The following SASH1 variants were observed in gnomAD, a reference collection of about 807,000 sequenced individuals.
The protein encoded by SASH1 is SAM and SH3 domain containing 1.
A neutral mutation model predicts 125.2 loss-of-function variants in SASH1; 44 were observed. The ratio of observed to expected loss-of-function variants is 0.35; its 90% CI spans 0.28 to 0.45. The LOEUF is 0.45. SASH1 is among the 20% of genes least tolerant of loss of function. SASH1 has a pLI of 1.00. For missense variants in SASH1, 1,426 were observed against 1,614.5 expected (o/e 0.88, Z 2.00); for synonymous variants, 639 against 649.1 (o/e 0.98, Z 0.24).
chr6:148,416,203 T>C (rs1784808460), intron 2 of SASH1, among the ~76,000 whole-genome samples: 1 of 152,246 alleles, frequency 6.6e-6, no homozygotes, highest in Admixed American at 6.5e-5. Flanking sequence ...TGTTCCCTCC[T>C]GTTCCTCTTG....
At chr6:148,306,843 C>T (rs879937580) in intron 1 of SASH1, among the ~76,000 whole-genome samples, 2 of 152,086 alleles carry the variant, frequency 1.3e-5, no homozygotes, top group Non-Finnish European at 2.9e-5. Flanking sequence ...ATCCTGGCCA[C>T]AGGAATGGGA....
chr6:148,539,951 A>G (rs1782116874), intron 16 of SASH1, among the ~76,000 whole-genome samples: 1 of 152,178 alleles, frequency 6.6e-6, no homozygotes, highest in Non-Finnish European at 1.5e-5. Flanking sequence ...ATTTCATTTG[A>G]CACTTTAATA....
At chr6:148,231,691 A>G in the SASH1 span, among the ~76,000 whole-genome samples, 1 of 152,182 alleles carries the variant, frequency 6.6e-6, no homozygotes. Flanking sequence ...AGTTAAAATG[A>G]TAGAAAGGTG....
intron 8 of SASH1, among the ~76,000 whole-genome samples, chr6:148,489,261 T>G (rs1253255297): frequency 6.6e-6 from 1 of 152,206 alleles, no homozygotes; most frequent in Non-Finnish European, 1.5e-5. Flanking sequence ...GCATACTTTT[T>G]GAAAATTGAT....
intron 1 of SASH1, among the ~76,000 whole-genome samples, chr6:148,387,179 G>T (rs568835954): frequency 2.1e-5 from 3 of 142,618 alleles, no homozygotes; most frequent in Non-Finnish European, 4.5e-5. Context: ...GTGCAGTGGC[G>T]CAATCTCGGC....
At chr6:148,229,719 C>CT in the SASH1 span, among the ~76,000 whole-genome samples, 41,142 of 121,282 alleles carry the variant, frequency 0.34, 7,888 homozygotes, top group South Asian at 0.4. Context: ...CGTCAGAGCA[C>CT]TTTTTTTTTT....
At chr6:148,346,564 G>C (rs1781528293) in intron 1 of SASH1, among the ~76,000 whole-genome samples, 1 of 151,762 alleles carries the variant, frequency 6.6e-6, no homozygotes, top group South Asian at 2.1e-4. Flanking sequence ...TCTATCTCCA[G>C]TGCTCCTGAC....
At chr6:148,222,778 ATC>A in the SASH1 span, among the ~76,000 whole-genome samples, 968 of 146,456 alleles carry the variant, frequency 6.6e-3, 4 homozygotes, top group African/African-American at 0.018. Flanking sequence ...TTCCCCTTCG[ATC>A]TCTCTCTCTC....
rs1433382876 is a variant in SASH1 at position 148,532,597 on chromosome 6, C to A, written c.1565-200C>A. ...GTCATGAGGGTAACTTGCTGTGAGTCCCCTGTCCACTGAGGAGCTGAGGGA... is the reference window on the plus strand; with the variant it reads ...GTCATGAGGGTAACTTGCTGTGAGTACCCTGTCCACTGAGGAGCTGAGGGA... On this transcript the variant is annotated intron_variant, in intron 13 of 19. Coordinates refer to ENST00000367467, the MANE Select transcript of SASH1 (RefSeq NM_015278.5). This position sits in a 1 kb window ranked among gnomAD's most constrained non-coding sequence, Gnocchi z 4.7. Among the ~76,000 whole-genome samples, 1 of 152,166 alleles carries A rather than the reference C, an allele frequency of 6.6e-6. No individual in the cohort carries two copies. The highest frequency in any genetic ancestry group is 2.4e-5 in the African/African-American group (1 of 41,432).
At chr6:148,348,615 TC>T (rs1229952796) in intron 1 of SASH1, among the ~76,000 whole-genome samples, 1 of 152,166 alleles carries the variant, frequency 6.6e-6, no homozygotes, top group Non-Finnish European at 1.5e-5. Flanking sequence ...ATTCTTGCCC[TC>T]ATTTTACAGT....
At chr6:148,478,833 C>T in intron 7 of SASH1, 1 of 157,604 alleles carries the variant, frequency 6.3e-6, no homozygotes. Context: ...CAATAGTAAC[C>T]ACCTGGCCTA....
chr6:148,323,206 C>T (rs904963248), intron 1 of SASH1, among the ~76,000 whole-genome samples: 2 of 152,060 alleles, frequency 1.3e-5, no homozygotes, highest in African/African-American at 4.8e-5. Context: ...GGTGGAGTTT[C>T]GCCGCATTGG....
intron 2 of SASH1, among the ~76,000 whole-genome samples, chr6:148,403,961 C>T (rs1784277414): frequency 6.6e-6 from 1 of 152,148 alleles, no homozygotes. Context: ...TTCCATAGTA[C>T]TTTGAATGCT....
At chr6:148,295,233 A>G (rs766936635) in intron 1 of SASH1, among the ~76,000 whole-genome samples, 41 of 152,238 alleles carry the variant, frequency 2.7e-4, no homozygotes, top group Middle Eastern at 3.4e-3. Context: ...TGGGGGAAAA[A>G]TAACCCTAGT....
chr6:148,325,549 C>T lies in SASH1; in HGVS notation n.74+53172C>T, dbSNP rs72563839. 0.022 allele frequency among the ~76,000 whole-genome samples: 3,390 copies of T among 152,210 alleles called. 287 individuals carry two copies. The East Asian group carries it at 0.25, about 11-fold the overall frequency. On this transcript the variant is annotated intron_variant and non_coding_transcript_variant, in intron 1 of 3. Transcript: ENST00000367469. ...TCAGCCTCCCAAAGTGCTGAGATTACAGGCATGACCCACTGTGCCTGGCTA... is the reference window on the plus strand; with the variant it reads ...TCAGCCTCCCAAAGTGCTGAGATTATAGGCATGACCCACTGTGCCTGGCTA...
chr6:148,362,556 T>C lies in SASH1; in HGVS notation c.156+19333T>C, dbSNP rs188788778. Reference sequence around the variant, plus strand: ...GCCATTTTTACTATTATATGCCTTTTTTTTTTTTGAAAGTGAGGTGAGGGT... The same window carrying C: ...GCCATTTTTACTATTATATGCCTTTCTTTTTTTTGAAAGTGAGGTGAGGGT... On this transcript the variant is annotated intron_variant, in intron 1 of 19. Transcript: ENST00000367467. 1.6e-3 allele frequency among the ~76,000 whole-genome samples: 237 copies of C among 152,004 alleles called. 2 individuals are homozygous for C. Among genetic ancestry groups the C allele is most frequent in the Non-Finnish European group, 2.6e-4 (18 of 67,994 alleles).
chr6:148,401,641 G>A (rs73009560), intron 2 of SASH1, among the ~76,000 whole-genome samples: 54,891 of 151,932 alleles, frequency 0.36, 10,274 homozygotes, highest in Non-Finnish European at 0.41. Flanking sequence ...ATATGAAGAC[G>A]TTCTAAATTT....
At chr6:148,486,196 C>G (rs184233040) in intron 7 of SASH1, among the ~76,000 whole-genome samples, 1 of 152,192 alleles carries the variant, frequency 6.6e-6, no homozygotes. Flanking sequence ...TCTCGGCTCA[C>G]CGCAACCTCT....
intron 1 of SASH1, among the ~76,000 whole-genome samples, chr6:148,325,642 C>T (rs1204793196): frequency 6.6e-6 from 1 of 152,034 alleles, no homozygotes; most frequent in Non-Finnish European, 1.5e-5. Context: ...ACGGAGGTAA[C>T]CACCCCCATG....
Sources: gnomAD v4.1 joint callset for allele counts (sites outside exome capture counted in the v4.1 genomes callset) on GRCh38, gnomAD v4.1.1 for gene constraint, Gnocchi (gnomAD v3.1) non-coding constraint, MANE v1.5 for transcripts, NCBI Gene and HGNC (gene_info 2026-07-23, HGNC 2026-07-21) for gene names.